Variants in ADGRL3 observed in about 807,000 individuals in gnomAD.
ADGRL3 encodes calcium-independent alpha-latrotoxin receptor 3.
In ADGRL3, 62 loss-of-function variants were observed where a neutral mutation model predicts 153.5. The observed-to-expected ratio is 0.40, with a 90% CI of 0.33 to 0.50. The LOEUF (loss-of-function observed/expected upper bound fraction) is 0.50, where lower values mean the gene tolerates loss of function less well. ADGRL3 is among the 20% of genes least tolerant of loss of function. The pLI is 0.47. For missense variants in ADGRL3, 1,641 were observed against 1,859.4 expected (o/e 0.88, Z 2.16); for synonymous variants, 710 against 672.5 (o/e 1.06, Z -0.86).
rs75968256 is a variant in ADGRL3, at chr4:62,022,791, GAA to G, written c.3396-6051_3396-6050del. Among the ~76,000 whole-genome samples, 19 of 141,678 alleles carry G rather than the reference GAA, an allele frequency of 1.3e-4. No individual in the cohort carries two copies. In the South Asian group the frequency reaches 1.7e-3, roughly 13 times the overall value. The allele number at this position is 141,678 out of a possible 152,430, so 92.9% of individuals were successfully genotyped here. A position where few individuals can be genotyped will look rare whatever the true frequency, so the allele number is the denominator to read the frequency against. ...AGCCCATGTTGAGACCTACTGCTCA[GAA>G]AAAAAAAAAAAATTCTTTCAAAATA... On this transcript the variant is annotated intron_variant, in intron 21 of 26. Transcript: ENST00000683033.
chr4:61,871,525 C>T (rs182830062), intron 9 of ADGRL3, among the ~76,000 whole-genome samples: 1 of 152,048 alleles, frequency 6.6e-6, no homozygotes, highest in African/African-American at 2.4e-5. Flanking sequence ...ACTAAAGGCA[C>T]ATACTGTATG....
chr4:61,994,619 T>C (rs2099115482), intron 19 of ADGRL3, among the ~76,000 whole-genome samples: 1 of 152,152 alleles, frequency 6.6e-6, no homozygotes, highest in African/African-American at 2.4e-5. Flanking sequence ...ATGTTAAAAT[T>C]GTTAGCATTT....
intron 8 of ADGRL3, among the ~76,000 whole-genome samples, chr4:61,789,298 T>C (rs1262532917): frequency 6.6e-6 from 1 of 152,040 alleles, no homozygotes; most frequent in Non-Finnish European, 1.5e-5. Flanking sequence ...TGTGTGTGTG[T>C]ACACACACAT....
rs536638045 is a variant in ADGRL3, at chr4:61,497,520, T to C, written c.55+172T>C. ...TGTGTATTTCCTTTTCTTTTCTTTT[T>C]TTTTTTTTTTTTTCAGTCAGAGCCT... On this transcript the variant is annotated intron_variant, in intron 3 of 26. Transcript: ENST00000683033. Among the ~76,000 whole-genome samples the C allele has an allele frequency of 4.6e-3, 657 of 142,692 alleles. 7 individuals carry two copies. The highest frequency in any genetic ancestry group is 0.017 in the African/African-American group (625 of 37,044). The allele number at this position is 142,692 out of a possible 152,430, so 93.6% of individuals were successfully genotyped here.
intron 25 of ADGRL3, among the ~76,000 whole-genome samples, chr4:62,067,205 A>G (rs1302149234): frequency 6.6e-6 from 1 of 152,140 alleles, no homozygotes. Context: ...TTAAACTGTC[A>G]TTAAATTATA....
intron 12 of ADGRL3, among the ~76,000 whole-genome samples, chr4:61,910,713 G>A (rs2098718090): frequency 6.6e-6 from 1 of 151,476 alleles, no homozygotes; most frequent in Admixed American, 6.6e-5. Flanking sequence ...TTCCTGTATG[G>A]AATTCACTAA....
At chr4:62,067,953 A>C (rs1044394337) in intron 25 of ADGRL3, among the ~76,000 whole-genome samples, 1 of 152,074 alleles carries the variant, frequency 6.6e-6, no homozygotes, top group African/African-American at 2.4e-5. Flanking sequence ...AGCATGTGTT[A>C]AGGGGGATTT....
chr4:61,712,291 G>A (rs1034372374), intron 6 of ADGRL3, among the ~76,000 whole-genome samples: 5 of 152,064 alleles, frequency 3.3e-5, no homozygotes, highest in African/African-American at 9.7e-5. Context: ...TACTTGAGAG[G>A]CTGAGGCAGG....
chr4:61,578,082 A>G (rs2098900644), intron 4 of ADGRL3, among the ~76,000 whole-genome samples: 1 of 152,100 alleles, frequency 6.6e-6, no homozygotes, highest in African/African-American at 2.4e-5. Flanking sequence ...TTCACTAATG[A>G]AATGGGAAAC....
intron 1 of ADGRL3, among the ~76,000 whole-genome samples, chr4:61,300,375 CA>C (rs1364667217): frequency 2.0e-5 from 3 of 152,128 alleles, no homozygotes; most frequent in South Asian, 2.1e-4. Context: ...GCTTAATGTA[CA>C]ATCTATTTTT....
At chr4:61,577,643 C>A (rs2098896149) in intron 4 of ADGRL3, among the ~76,000 whole-genome samples, 1 of 151,142 alleles carries the variant, frequency 6.6e-6, no homozygotes, top group African/African-American at 2.4e-5. Flanking sequence ...GATACTGTCT[C>A]TACAAAAAAT....
chr4:61,997,918 C>T (rs2099127327), intron 20 of ADGRL3, among the ~76,000 whole-genome samples: 1 of 152,134 alleles, frequency 6.6e-6, no homozygotes, highest in South Asian at 2.1e-4. Flanking sequence ...CACAGCATCA[C>T]TCCAGCTGAT....
At chr4:61,691,664 A>G (rs913629546) in intron 6 of ADGRL3, among the ~76,000 whole-genome samples, 7 of 152,202 alleles carry the variant, frequency 4.6e-5, no homozygotes, top group East Asian at 1.9e-4. Context: ...AAGTCTATCT[A>G]ATACGGATAT....
At chr4:61,583,860 A>T (rs987351036) in intron 4 of ADGRL3, among the ~76,000 whole-genome samples, 9 of 152,076 alleles carry the variant, frequency 5.9e-5, no homozygotes, top group African/African-American at 1.9e-4. Context: ...GAGCATAAGA[A>T]GGTATGTATA....
intron 5 of ADGRL3, among the ~76,000 whole-genome samples, chr4:61,612,311 T>G (rs894565006): frequency 1.4e-4 from 21 of 152,154 alleles, no homozygotes; most frequent in Non-Finnish European, 1.5e-5. Context: ...TTGGGAAGCC[T>G]TCTCTCTTCA....
At chr4:61,571,543 A>C (rs2098838946) in intron 4 of ADGRL3, among the ~76,000 whole-genome samples, 1 of 152,054 alleles carries the variant, frequency 6.6e-6, no homozygotes, top group East Asian at 1.9e-4. Context: ...AGACCTGAGG[A>C]ACCTGGGGAG....
intron 2 of ADGRL3, among the ~76,000 whole-genome samples, chr4:61,461,107 G>A (rs1020956880): frequency 6.6e-5 from 10 of 151,952 alleles, no homozygotes; most frequent in African/African-American, 9.7e-5. Flanking sequence ...ATCACATCTC[G>A]TGAGACTTAT....
chr4:61,502,481 CATG>C (rs2098397257), intron 3 of ADGRL3, among the ~76,000 whole-genome samples: 1 of 86,968 alleles, frequency 1.1e-5, no homozygotes, highest in African/African-American at 5.9e-5. Flanking sequence ...CCAGCTTATA[CATG>C]TTTTTTTTTT....
intron 2 of ADGRL3, among the ~76,000 whole-genome samples, chr4:61,454,462 GCAAATAAGACTTT>G (rs2097711117): frequency 6.6e-6 from 1 of 152,062 alleles, no homozygotes; most frequent in East Asian, 1.9e-4. Flanking sequence ...GTGAATGTAT[GCAAATAAGACTTT>G]TTTGGTGAGA....
Sources: allele counts gnomAD v4.1 joint callset (sites outside exome capture counted in the v4.1 genomes callset), GRCh38; gene constraint gnomAD v4.1.1; transcripts MANE v1.5; gene names NCBI Gene and HGNC (gene_info 2026-07-23, HGNC 2026-07-21).